CREB3L1: variants seen among roughly 807,000 people sequenced by gnomAD.
CREB3L1 encodes cAMP responsive element binding protein 3 like 1.
A neutral mutation model predicts 54.5 loss-of-function variants in CREB3L1; 33 were observed. The ratio of observed to expected loss-of-function variants is 0.61; its 90% CI spans 0.46 to 0.81. CREB3L1 has a LOEUF of 0.81. Ranked by LOEUF, CREB3L1 falls within the 30% of genes least tolerant of loss-of-function variation. The pLI, the probability that CREB3L1 is intolerant of heterozygous loss-of-function variation, is 0.00. For missense variants in CREB3L1, 656 were observed against 673.3 expected (o/e 0.97, Z 0.29); for synonymous variants, 284 against 286.4 (o/e 0.99, Z 0.08).
At chr11:46,293,342 C>T (rs1033635489) in intron 1 of CREB3L1, among the ~76,000 whole-genome samples, 7 of 152,228 alleles carry the variant, frequency 4.6e-5, no homozygotes, top group African/African-American at 1.7e-4. Context: ...CTTCCTCCTG[C>T]CCAGACAGTG....
chr11:46,315,602 C>T (rs958595142), intron 8 of CREB3L1: 3 of 185,242 alleles, frequency 1.6e-5, no homozygotes, highest in South Asian at 1.9e-4. Context: ...GAGGCCGAAG[C>T]GGGTGGATCA....
chr11:46,291,907 G>A (rs566126608), intron 1 of CREB3L1, among the ~76,000 whole-genome samples: 29 of 152,342 alleles, frequency 1.9e-4, no homozygotes, highest in African/African-American at 6.7e-4. Flanking sequence ...GGACCGCTGA[G>A]GATGTCAGAG....
chr11:46,289,939 A>T (rs1039315638), intron 1 of CREB3L1, among the ~76,000 whole-genome samples: 1 of 152,124 alleles, frequency 6.6e-6, no homozygotes, highest in Non-Finnish European at 1.5e-5. Context: ...CATCAGGCGG[A>T]TCTCAGCTGT....
At chr11:46,319,772 G>A (rs945136868) in intron 10 of CREB3L1, among the ~76,000 whole-genome samples, 12 of 151,926 alleles carry the variant, frequency 7.9e-5, no homozygotes, top group Admixed American at 2.6e-4. Context: ...CCAGCTACTC[G>A]GGAGGCTGAG....
chr11:46,308,055 T>A, intron 3 of CREB3L1, 55 bp downstream of exon 3: 2 of 1,418,302 alleles, frequency 1.4e-6, no homozygotes, highest in Non-Finnish European at 1.9e-6. Flanking sequence ...CTGGTGGGTC[T>A]GTGGGAAGAG....
intron 2 of CREB3L1, 59 bp downstream of exon 2, chr11:46,300,222 C>T (rs1939275866): frequency 7.5e-7 from 1 of 1,339,030 alleles, no homozygotes; most frequent in Non-Finnish European, 1.0e-6. Flanking sequence ...AGGGAGGAAG[C>T]TCTGGGGTGA....
chr11:46,303,748 C>T (rs926674299), intron 2 of CREB3L1, among the ~76,000 whole-genome samples: 2 of 151,988 alleles, frequency 1.3e-5, no homozygotes, highest in African/African-American at 4.8e-5. Context: ...CACCTATAAT[C>T]CCGGCACTTT....
intron 2 of CREB3L1, among the ~76,000 whole-genome samples, chr11:46,306,475 G>A (rs1299161740): frequency 6.6e-6 from 1 of 151,132 alleles, no homozygotes; most frequent in East Asian, 1.9e-4. Flanking sequence ...CTGCACTCCA[G>A]CCTGGGCGAA....
intron 3 of CREB3L1, 104 bp downstream of exon 3, chr11:46,308,104 A>C: frequency 1.8e-6 from 2 of 1,102,348 alleles, no homozygotes; most frequent in East Asian, 5.4e-5. Flanking sequence ...TGTGAACAGG[A>C]AGACATGAGC....
intron 1 of CREB3L1, among the ~76,000 whole-genome samples, chr11:46,281,344 T>G (rs1235391950): frequency 1.3e-5 from 2 of 152,174 alleles, no homozygotes; most frequent in Non-Finnish European, 2.9e-5. Flanking sequence ...GCAGGTCGTT[T>G]CTCCAGATGG....
In CREB3L1 at chr11:46,278,777, G is replaced by C. The variant is rs1187965867; in HGVS notation, c.102+564G>C. ...TGAGGCTGGGGGCTGGGAAGAGGCG[G>C]TCAGGGCAACATAGGGTGATGGCTC... On this transcript the variant is annotated intron_variant, in intron 1 of 11. Coordinates refer to ENST00000621158, the MANE Select transcript of CREB3L1 (RefSeq NM_052854.4). The surrounding 1 kb of genome is among the most constrained non-coding windows in gnomAD (Gnocchi z 4.2). 6.6e-6 allele frequency among the ~76,000 whole-genome samples: 1 copy of C among 152,218 alleles called. No individual in the cohort carries two copies. Among genetic ancestry groups the C allele is most frequent in the Admixed American group, 6.5e-5 (1 of 15,286 alleles).
At chr11:46,289,634 G>C (rs1247448064) in intron 1 of CREB3L1, among the ~76,000 whole-genome samples, 2 of 152,142 alleles carry the variant, frequency 1.3e-5, no homozygotes, top group Admixed American at 6.6e-5. Context: ...AGGAGATAAA[G>C]GACAAAACAC....
At chr11:46,296,816 G>A (rs1847832251) in intron 1 of CREB3L1, among the ~76,000 whole-genome samples, 1 of 152,170 alleles carries the variant, frequency 6.6e-6, no homozygotes, top group Non-Finnish European at 1.5e-5. Flanking sequence ...CATCCTGCTG[G>A]GTTTTGGCTG....
chr11:46,302,705 G>A (rs1221375591), intron 2 of CREB3L1, among the ~76,000 whole-genome samples: 4 of 152,146 alleles, frequency 2.6e-5, no homozygotes, highest in Admixed American at 2.0e-4. Flanking sequence ...AGACTTGGCC[G>A]GGTGCAGTGG....
intron 8 of CREB3L1, 196 bp from the exon 9 acceptor site, chr11:46,316,090 C>G (rs1203144078): frequency 1.2e-5 from 6 of 508,730 alleles, no homozygotes; most frequent in African/African-American, 2.0e-5. Context: ...GGTGACCCAG[C>G]CAGTCACCAT....
chr11:46,317,092 G>A (rs1220064546), intron 9 of CREB3L1, among the ~76,000 whole-genome samples: 1 of 152,162 alleles, frequency 6.6e-6, no homozygotes, highest in African/African-American at 2.4e-5. Context: ...CCCCGTAAGG[G>A]GACTCCACAT....
At position 46,321,366 on chromosome 11, in the gene CREB3L1, C is replaced by T. The variant is rs547408889; in HGVS notation, c.*620C>T. 3.2e-4 allele frequency: 66 copies of T among 204,938 alleles called. 1 individual carries two copies. In the South Asian group the frequency reaches 5.0e-3, roughly 15 times the overall value. 12.7% of individuals were successfully genotyped at this position (204,938 alleles called of 1,614,324 possible). The stretch of plus-strand genomic sequence containing the variant: ...TGCCAAACTGCTCTCTTCATCAGCT[C>T]AGCACATGCTTTAAGAAAGCAAAAC... On this transcript the variant is annotated 3_prime_UTR_variant, in exon 12 of 12. Transcript: ENST00000621158.
At chr11:46,282,739 A>T (rs1938998330) in intron 1 of CREB3L1, among the ~76,000 whole-genome samples, 1 of 152,146 alleles carries the variant, frequency 6.6e-6, no homozygotes, top group Non-Finnish European at 1.5e-5. Context: ...TTAATGGCCT[A>T]TTGTCTATTT....
chr11:46,296,492 G>C (rs1344826687), intron 1 of CREB3L1, among the ~76,000 whole-genome samples: 2 of 152,098 alleles, frequency 1.3e-5, no homozygotes, highest in Non-Finnish European at 2.9e-5. Context: ...GAGGGGCAGG[G>C]GACCGTCGGG....
Sources: gnomAD v4.1 joint callset for allele counts (sites outside exome capture counted in the v4.1 genomes callset) on GRCh38, gnomAD v4.1.1 for gene constraint, Gnocchi (gnomAD v3.1) non-coding constraint, MANE v1.5 for transcripts, NCBI Gene and HGNC (gene_info 2026-07-23, HGNC 2026-07-21) for gene names.